NR2E3: variants seen among roughly 807,000 people sequenced by gnomAD.
The protein encoded by NR2E3 is photoreceptor-specific nuclear receptor.
A neutral mutation model predicts 37.6 loss-of-function variants in NR2E3; 38 were observed. The ratio of observed to expected loss-of-function variants is 1.01; its 90% CI spans 0.78 to 1.33. NR2E3 has a LOEUF of 1.33. NR2E3 is among the 40% of genes most tolerant of loss of function. The pLI is 0.00. For synonymous variants in NR2E3, 235 were observed against 225.1 expected (o/e 1.04, Z -0.39); for missense variants, 562 against 558.7 (o/e 1.01, Z -0.06).
rs754029880 is a variant in NR2E3 at position 71,813,589 on chromosome 15, C to T, written c.948C>T (p.Asp316=). ...CTCGGTTCCGGGCATTGGCGGTGGA[C>T]CCCACGGAGTTTGCCTGCATGAAGG... ...TISRFRALAV[D]PTEFACMKAL... Residue 316 remains aspartate (D), a synonymous_variant, in exon 6 of 8, where the codon GAC becomes GAT. Coordinates refer to ENST00000617575, the MANE Select transcript of NR2E3 (RefSeq NM_014249.4). The surrounding 1 kb of genome is among the most constrained non-coding windows in gnomAD (Gnocchi z 4.7). 3 of 1,613,950 alleles carry T rather than the reference C, an allele frequency of 1.9e-6. No homozygotes were observed. In the Admixed American group the frequency reaches 5.0e-5, roughly 27 times the overall value.
At chr15:71,814,171 C>A (rs777231953) in intron 7 of NR2E3, 54 bp downstream of exon 7, 4 of 1,565,190 alleles carry the variant, frequency 2.6e-6, no homozygotes, top group Admixed American at 3.6e-5. Context: ...TAACCTTTCT[C>A]TGCCTCTCCC....
intron 7 of NR2E3, among the ~76,000 whole-genome samples, chr15:71,817,053 C>G (rs1416784740): frequency 6.6e-6 from 1 of 151,024 alleles, no homozygotes; most frequent in Non-Finnish European, 1.5e-5. Context: ...CACAATGGGT[C>G]GAGGTAGGTG....
intron 7 of NR2E3, chr15:71,814,621 G>A: frequency 1.1e-6 from 1 of 950,826 alleles, no homozygotes. Context: ...AGTACCCTAG[G>A]ACCAGCCCGT....
chr15:71,810,599 C>T lies in NR2E3; in HGVS notation c.-145C>T. 7.7e-7 allele frequency: 1 copy of T among 1,293,848 alleles called. No homozygotes were observed. The highest frequency in any genetic ancestry group is 1.1e-6 in the Non-Finnish European group (1 of 952,350). The allele number at this position is 1,293,848 out of a possible 1,614,324, so 80.1% of individuals were successfully genotyped here. The stretch of plus-strand genomic sequence containing the variant: ...GCCTGTGCTGTGAGGGGCTTCGGGA[C>T]CTTGGGGCAGCTCCTGAGTTCAGAC... On this transcript the variant is annotated 5_prime_UTR_variant, in exon 1 of 8. Coordinates refer to ENST00000617575, the MANE Select transcript of NR2E3 (RefSeq NM_014249.4).
rs1445116417 is a variant in NR2E3 at position 71,817,097 on chromosome 15, TTTTC to T, written c.1101-451_1101-448del. Reference sequence around the variant, plus strand: ...TCCTCTGGTTAATGCGGCTTTTCTTTTTTCTTTTTTTTTTTTTTTGAGACGGAGT... The same window carrying T: ...TCCTCTGGTTAATGCGGCTTTTCTTTTTTTTTTTTTTTTTTGAGACGGAGT... On this transcript the variant is annotated intron_variant, in intron 7 of 7. Transcript: ENST00000617575. 8.8e-5 allele frequency among the ~76,000 whole-genome samples: 12 copies of T among 135,734 alleles called. 1 individual carries two copies. In the East Asian group the frequency reaches 1.0e-3, roughly 11 times the overall value. The allele number at this position is 135,734 out of a possible 152,430, so 89.0% of individuals were successfully genotyped here.
rs955454233 is a variant in NR2E3 at position 71,811,400 on chromosome 15, A to G, written c.119-83A>G. On this transcript the variant is annotated intron_variant, in intron 1 of 7. Coordinates refer to ENST00000617575, the MANE Select transcript of NR2E3 (RefSeq NM_014249.4). This position sits in a 1 kb window ranked among gnomAD's most constrained non-coding sequence, Gnocchi z 5.6. ...GTGAGCGGGGCCTGAGGACTGGGAA[A>G]GGGACCCGAGGGAAGGAGGGGAGCG... is the stretch of plus-strand genomic sequence containing the variant. 4 of 1,327,652 alleles carry G rather than the reference A, an allele frequency of 3.0e-6. No homozygotes were observed. The highest frequency in any genetic ancestry group is 2.6e-4 in the Middle Eastern group (1 of 3,806). The allele number at this position is 1,327,652 out of a possible 1,614,324, so 82.2% of individuals were successfully genotyped here.
In NR2E3 at chr15:71,813,641, T is replaced by C. The variant is rs768259264; in HGVS notation, c.994+6T>C. ...CTTGGTCCTCTTCAAGCCAGGTAAC[T>C]GAGTCTCTGCCCAAACCTTGAGTGG... On this transcript the variant is annotated splice_donor_region_variant and intron_variant, in intron 6 of 7. Transcript: ENST00000617575. This position sits in a 1 kb window ranked among gnomAD's most constrained non-coding sequence, Gnocchi z 4.7. 23 of 1,613,340 alleles carry C rather than the reference T, an allele frequency of 1.4e-5. No individual in the cohort carries two copies. The South Asian group carries it at 2.5e-4, about 18-fold the overall frequency.
intron 7 of NR2E3, chr15:71,817,344 CG>C (rs1017621096): frequency 7.0e-5 from 29 of 415,324 alleles, no homozygotes; most frequent in African/African-American, 5.5e-4. Context: ...GTGATCCGCC[CG>C]CCTCAGCCTC....
Position 71,817,642 on chromosome 15 carries a change from TACTCC to T in NR2E3, c.1193_1197del (p.Thr398AsnfsTer7). 2 of 1,609,620 alleles carry T rather than the reference TACTCC, an allele frequency of 1.2e-6. No homozygotes were observed. Among genetic ancestry groups the T allele is most frequent in the Non-Finnish European group, 1.7e-6 (2 of 1,176,138 alleles). ...TCTTTTTCCGCAAGACCATAGGGAA[TACTCC>T]AATGGAGAAGCTCCTTTGTGATATG... On this transcript the variant is annotated frameshift_variant, in exon 8 of 8. Transcript: ENST00000617575. LOFTEE classifies it high-confidence loss of function.
chr15:71,810,643 C>G lies in NR2E3; in HGVS notation c.-101C>G. The G allele has an allele frequency of 2.6e-6, 4 of 1,511,978 alleles. No individual in the cohort carries two copies. Among genetic ancestry groups the G allele is most frequent in the Non-Finnish European group, 2.7e-6 (3 of 1,124,080 alleles). 93.7% of individuals were successfully genotyped at this position (1,511,978 alleles called of 1,614,324 possible). The stretch of plus-strand genomic sequence containing the variant: ...TTCAGACAGAGTTCAGGAAGGGAGA[C>G]AGGGGCACAGAGAGACAGAGGTTCA... On this transcript the variant is annotated 5_prime_UTR_variant, in exon 1 of 8. Coordinates refer to ENST00000617575, the MANE Select transcript of NR2E3 (RefSeq NM_014249.4).
chr15:71,817,101 CTT>C (rs1555454986), intron 7 of NR2E3, among the ~76,000 whole-genome samples: 14 of 80,906 alleles, frequency 1.7e-4, no homozygotes, highest in African/African-American at 2.0e-4. Context: ...TTTCTTTTTT[CTT>C]TTTTTTTTTT....
Position 71,813,372 on chromosome 15 carries a change from C to T in NR2E3, c.748-17C>T, listed in dbSNP as rs752504082. The T allele has an allele frequency of 1.4e-5, 22 of 1,608,290 alleles. No homozygotes were observed. In the Admixed American group the frequency reaches 2.9e-4, roughly 21 times the overall value. On this transcript the variant is annotated splice_polypyrimidine_tract_variant and intron_variant, in intron 5 of 7. Transcript: ENST00000617575. This position sits in a 1 kb window ranked among gnomAD's most constrained non-coding sequence, Gnocchi z 4.7. ...AGCTGTGTGTCTGCCATAACAGGCA[C>T]CCCTGTCTGAGCACAGGTGATCCTG...
Position 71,812,122 on chromosome 15 carries a change from T to C in NR2E3, c.517T>C (p.Phe173Leu). Reference protein sequence around the residue: ...MSAARALGHHFMASLITAETC... With the variant: ...MSAARALGHHLMASLITAETC... ...TGCAGCCAGAGCCCTGGGCCACCAC[T>C]TCATGGCCAGCCTTATAACAGCTGA... The change falls in exon 4 of 8, where the codon TTC (phenylalanine) becomes CTC (leucine). Residue 173 changes from phenylalanine to leucine, a missense_variant. Physicochemically the swap from Phe to Leu is conservative, Grantham distance 22. Transcript: ENST00000617575. 1 of 1,559,792 alleles carries C rather than the reference T, an allele frequency of 6.4e-7. No homozygotes were observed. The highest frequency in any genetic ancestry group is 1.2e-5 in the South Asian group (1 of 84,862).
chr15:71,810,640 A>G lies in NR2E3; in HGVS notation c.-104A>G. The G allele has an allele frequency of 1.3e-6, 2 of 1,504,978 alleles. No homozygotes were observed. Among genetic ancestry groups the G allele is most frequent in the Non-Finnish European group, 1.8e-6 (2 of 1,118,836 alleles). The allele number at this position is 1,504,978 out of a possible 1,614,324, so 93.2% of individuals were successfully genotyped here. On this transcript the variant is annotated 5_prime_UTR_variant, in exon 1 of 8. Transcript: ENST00000617575. ...GAGTTCAGACAGAGTTCAGGAAGGGAGACAGGGGCACAGAGAGACAGAGGT... is the reference window on the plus strand; with the variant it reads ...GAGTTCAGACAGAGTTCAGGAAGGGGGACAGGGGCACAGAGAGACAGAGGT...
Position 71,812,241 on chromosome 15 carries a change from C to T in NR2E3, c.571+65C>T, listed in dbSNP as rs538878781. On this transcript the variant is annotated intron_variant, in intron 4 of 7. Transcript: ENST00000617575. ...TTCCCGGGTCACAGCAGGGCTGCAG[C>T]GCCTTGCCTTGATCCTCCCTCCCCC... is the stretch of plus-strand genomic sequence containing the variant. The T allele has an allele frequency of 8.3e-5, 134 of 1,605,256 alleles. No individual in the cohort carries two copies. The highest frequency in any genetic ancestry group is 6.6e-4 in the Middle Eastern group (4 of 6,032).
Sources: allele counts gnomAD v4.1 joint callset (sites outside exome capture counted in the v4.1 genomes callset), GRCh38; gene constraint gnomAD v4.1.1; non-coding constraint Gnocchi (gnomAD v3.1); transcripts MANE v1.5; gene names NCBI Gene and HGNC (gene_info 2026-07-23, HGNC 2026-07-21).